The following ARMH3 variants were observed in gnomAD, a reference collection of about 807,000 sequenced individuals.
ARMH3 encodes armadillo-like helical domain-containing protein 3.
Under a neutral mutation model 99.1 loss-of-function variants are expected in ARMH3, and 60 were observed. That is an observed-to-expected ratio of 0.61 (90% CI 0.49 to 0.75). The LOEUF (loss-of-function observed/expected upper bound fraction) is 0.75, where lower values mean the gene tolerates loss of function less well. Ranked by LOEUF, ARMH3 falls within the 30% of genes least tolerant of loss-of-function variation. The pLI is 0.00. For synonymous variants in ARMH3, 285 were observed against 292.8 expected (o/e 0.97, Z 0.27); for missense variants, 679 against 843.1 (o/e 0.81, Z 2.41).
At chr10:101,974,172 C>T (rs1845890235) in intron 20 of ARMH3, among the ~76,000 whole-genome samples, 1 of 152,186 alleles carries the variant, frequency 6.6e-6, no homozygotes, top group Non-Finnish European at 1.5e-5. Flanking sequence ...CCACCATAGG[C>T]AGTAACTGCA....
intron 23 of ARMH3, among the ~76,000 whole-genome samples, chr10:101,900,942 C>T (rs1184511741): frequency 2.6e-5 from 4 of 151,976 alleles, no homozygotes; most frequent in Non-Finnish European, 5.9e-5. Flanking sequence ...TGTGATCATG[C>T]CACTGTACTC....
At chr10:101,863,620 T>C (rs1201846677) in intron 24 of ARMH3, among the ~76,000 whole-genome samples, 1 of 152,140 alleles carries the variant, frequency 6.6e-6, no homozygotes, top group Non-Finnish European at 1.5e-5. Flanking sequence ...AAATTGTGTA[T>C]CTTAGAAATT....
chr10:102,012,836 T>C lies in ARMH3; in HGVS notation c.767A>G (p.Asn256Ser). ...LVIAQALSEY[N>S]RQYKDKEEEH... ...CATTCTGGAAAGGTGGACTTACCTGTTGTACTCAGATAAAGCCTGAGCAAT... is the reference window on the plus strand; with the variant it reads ...CATTCTGGAAAGGTGGACTTACCTGCTGTACTCAGATAAAGCCTGAGCAAT... Residue 256 changes from asparagine (N) to serine (S), a missense_variant, in exon 10 of 26, where the codon AAC (asparagine) becomes AGC (serine). By Grantham distance (46) the Asn-to-Ser change is conservative. Transcript: ENST00000370033. The C allele has an allele frequency of 6.2e-7, 1 of 1,610,262 alleles. No individual in the cohort carries two copies. The highest frequency in any genetic ancestry group is 1.7e-4 in the Middle Eastern group (1 of 6,054).
At chr10:101,940,044 A>T (rs1225213007) in intron 22 of ARMH3, 106 bp from the exon 23 acceptor site, 1 of 788,788 alleles carries the variant, frequency 1.3e-6, no homozygotes, top group East Asian at 2.7e-5. Flanking sequence ...AACCAAACAA[A>T]GCCTGCGCCA....
intron 19 of ARMH3, among the ~76,000 whole-genome samples, chr10:101,981,264 A>C (rs1846221287): frequency 6.6e-6 from 1 of 152,204 alleles, no homozygotes; most frequent in Non-Finnish European, 1.5e-5. Context: ...AGAAGAAAGC[A>C]GAGAAAACAC....
At chr10:102,045,551 C>T (rs903266472) in intron 1 of ARMH3, among the ~76,000 whole-genome samples, 2 of 152,134 alleles carry the variant, frequency 1.3e-5, no homozygotes, top group African/African-American at 4.8e-5. Flanking sequence ...ATGCACTTGG[C>T]GTGTTCAGGA....
intron 22 of ARMH3, among the ~76,000 whole-genome samples, chr10:101,949,786 C>T (rs1844709111): frequency 6.6e-6 from 1 of 151,932 alleles, no homozygotes; most frequent in Non-Finnish European, 1.5e-5. Context: ...AACTACAGAC[C>T]AATATACCTC....
intron 22 of ARMH3, among the ~76,000 whole-genome samples, chr10:101,943,695 C>G (rs755414437): frequency 4.0e-5 from 6 of 151,782 alleles, no homozygotes; most frequent in Non-Finnish European, 8.8e-5. Flanking sequence ...GAAGCATAAG[C>G]AGAGGGAAAA....
chr10:101,883,416 T>TA (rs11454896), intron 24 of ARMH3, among the ~76,000 whole-genome samples: 29,219 of 150,486 alleles, frequency 0.19, 3,194 homozygotes, highest in East Asian at 0.52. Flanking sequence ...ACCTTGTCTC[T>TA]AAAAAAAAAT....
At chr10:101,874,345 G>A (rs1183031672) in intron 24 of ARMH3, among the ~76,000 whole-genome samples, 1 of 152,118 alleles carries the variant, frequency 6.6e-6, no homozygotes, top group African/African-American at 2.4e-5. Flanking sequence ...GTAAGCTTGT[G>A]TCATTTTTGG....
At chr10:101,882,725 C>A (rs1296792582) in intron 24 of ARMH3, among the ~76,000 whole-genome samples, 4 of 152,172 alleles carry the variant, frequency 2.6e-5, no homozygotes, top group African/African-American at 9.7e-5. Flanking sequence ...TCTCGAACTC[C>A]TGACCTCGTG....
At chr10:101,929,232 AAT>A (rs1254306454) in intron 23 of ARMH3, among the ~76,000 whole-genome samples, 2 of 152,236 alleles carry the variant, frequency 1.3e-5, no homozygotes, top group Non-Finnish European at 2.9e-5. Flanking sequence ...TATAAAGCTC[AAT>A]ATGCAGACCT....
rs138073369 is a variant in ARMH3 at position 102,031,234 on chromosome 10, C to T, written c.307-1489G>A. On this transcript the variant is annotated intron_variant, in intron 4 of 25. Transcript: ENST00000370033. ...CACACATTAGTTAACTTTCCAGTGG[C>T]TCAGTTTTCTCATCTATAAAGTAGG... Among the ~76,000 whole-genome samples, 47 of 152,304 alleles carry T rather than the reference C, an allele frequency of 3.1e-4. No individual in the cohort carries two copies. The East Asian group carries it at 8.9e-3, about 29-fold the overall frequency.
In ARMH3 at chr10:102,007,094, G is replaced by A. The variant is rs138439608; in HGVS notation, c.955-461C>T. ...GAGAATCACTTGAACCCAGGAGGCG[G>A]AGGTTGCAGTGAGGTGATATCACGC... On this transcript the variant is annotated intron_variant, in intron 13 of 25. Transcript: ENST00000370033. Among the ~76,000 whole-genome samples the A allele has an allele frequency of 6.8e-3, 972 of 143,430 alleles. 6 individuals carry two copies. Among genetic ancestry groups the A allele is most frequent in the African/African-American group, 0.021 (832 of 38,990 alleles). The allele number at this position is 143,430 out of a possible 152,430, so 94.1% of individuals were successfully genotyped here. A position where few individuals can be genotyped will look rare whatever the true frequency, so the allele number is the denominator to read the frequency against.
chr10:102,027,509 A>G (rs1165571110), intron 5 of ARMH3, among the ~76,000 whole-genome samples: 2 of 151,664 alleles, frequency 1.3e-5, no homozygotes, highest in Non-Finnish European at 3.0e-5. Flanking sequence ...TGAATGAGGA[A>G]GAAGAGATGC....
intron 19 of ARMH3, among the ~76,000 whole-genome samples, chr10:101,978,702 G>A (rs1435269940): frequency 6.6e-6 from 1 of 152,196 alleles, no homozygotes; most frequent in African/African-American, 2.4e-5. Flanking sequence ...AGCACTTTGG[G>A]AGGCCAAGGT....
chr10:101,874,235 T>C (rs768962883), intron 24 of ARMH3, among the ~76,000 whole-genome samples: 2 of 152,144 alleles, frequency 1.3e-5, no homozygotes, highest in Non-Finnish European at 2.9e-5. Flanking sequence ...GGTGGTTACA[T>C]AAACATATTT....
At chr10:101,851,969 A>G (rs772921682) in intron 24 of ARMH3, among the ~76,000 whole-genome samples, 5 of 152,208 alleles carry the variant, frequency 3.3e-5, no homozygotes, top group East Asian at 1.9e-4. Context: ...CGTGGCTGGA[A>G]TATCTGCAGC....
chr10:101,995,859 C>T (rs1006124357), intron 15 of ARMH3, among the ~76,000 whole-genome samples: 8 of 152,346 alleles, frequency 5.3e-5, no homozygotes, highest in African/African-American at 1.9e-4. Flanking sequence ...CAATTGTATA[C>T]TTATGCCCTA....
Sources: allele counts gnomAD v4.1 joint callset (sites outside exome capture counted in the v4.1 genomes callset), GRCh38; gene constraint gnomAD v4.1.1; transcripts MANE v1.5; gene names NCBI Gene and HGNC (gene_info 2026-07-23, HGNC 2026-07-21).